GALNT17: variants seen among roughly 807,000 people sequenced by gnomAD.
The protein encoded by GALNT17 is polypeptide N-acetylgalactosaminyltransferase 17.
A neutral mutation model predicts 63.7 loss-of-function variants in GALNT17; 29 were observed. That is an observed-to-expected ratio of 0.46 (90% CI 0.34 to 0.62). The LOEUF (loss-of-function observed/expected upper bound fraction) is 0.62. Among genes scored for constraint, GALNT17 ranks in the 20% least tolerant of loss-of-function variants. The pLI, the probability that GALNT17 is intolerant of heterozygous loss-of-function variation, is 0.01. For synonymous variants in GALNT17, 305 were observed against 318.3 expected, an observed-to-expected ratio of 0.96 and a Z score of 0.45; for missense variants, 603 against 799.6, an observed-to-expected ratio of 0.75 and a Z score of 2.97.
At chr7:71,550,677 C>T (rs1406865932) in intron 5 of GALNT17, among the ~76,000 whole-genome samples, 1 of 152,132 alleles carries the variant, frequency 6.6e-6, no homozygotes, top group Non-Finnish European at 1.5e-5. Flanking sequence ...AGCCACCATG[C>T]CCAGCCTTCA....
At chr7:71,245,848 G>GTTTTTTTTTTTTTTTTTTTTTT (rs542136452) in intron 1 of GALNT17, among the ~76,000 whole-genome samples, 1,919 of 122,458 alleles carry the variant, frequency 0.016, 74 homozygotes, top group Non-Finnish European at 0.025. Context: ...AAGAGAGCAG[G>GTTTTTTTTTTTTTTTTTTTTTT]TTTTTTTTTT....
intron 1 of GALNT17, among the ~76,000 whole-genome samples, chr7:71,164,611 T>C (rs908333866): frequency 1.3e-5 from 2 of 152,194 alleles, no homozygotes; most frequent in African/African-American, 4.8e-5. Flanking sequence ...ACTTGCAACA[T>C]GTGGTTCTGT....
intron 9 of GALNT17, among the ~76,000 whole-genome samples, chr7:71,680,961 G>A (rs201437781): frequency 2.6e-5 from 4 of 151,254 alleles, no homozygotes; most frequent in Non-Finnish European, 4.4e-5. Flanking sequence ...GTGCAATGGT[G>A]TGATCACAGC....
At chr7:71,695,821 C>T (rs10254113) in intron 9 of GALNT17, among the ~76,000 whole-genome samples, 20,448 of 152,170 alleles carry the variant, frequency 0.13, 1,588 homozygotes, top group African/African-American at 0.2. Flanking sequence ...TCTTCTCAGG[C>T]CTGTATCCTC....
intron 1 of GALNT17, among the ~76,000 whole-genome samples, chr7:71,328,353 T>A (rs1791740079): frequency 6.6e-6 from 1 of 152,210 alleles, no homozygotes; most frequent in Non-Finnish European, 1.5e-5. Context: ...AGCCACCCCA[T>A]TCTCTTCCTG....
chr7:71,545,689 G>A (rs1254171441), intron 5 of GALNT17, among the ~76,000 whole-genome samples: 1 of 152,110 alleles, frequency 6.6e-6, no homozygotes, highest in Admixed American at 6.6e-5. Flanking sequence ...ATTTTATGGT[G>A]TCTGTCTAAT....
At chr7:71,460,844 C>T (rs902148739) in intron 5 of GALNT17, among the ~76,000 whole-genome samples, 10 of 152,140 alleles carry the variant, frequency 6.6e-5, no homozygotes, top group African/African-American at 2.2e-4. Flanking sequence ...GGGAGTGTAG[C>T]AGTGAGGATG....
At chr7:71,298,864 A>G (rs1468356326) in intron 1 of GALNT17, among the ~76,000 whole-genome samples, 1 of 152,136 alleles carries the variant, frequency 6.6e-6, no homozygotes, top group Non-Finnish European at 1.5e-5. Context: ...GATATAAAAT[A>G]TGATTTTAAA....
At chr7:71,196,453 C>T (rs1789051062) in intron 1 of GALNT17, among the ~76,000 whole-genome samples, 2 of 151,858 alleles carry the variant, frequency 1.3e-5, no homozygotes, top group African/African-American at 4.8e-5. Flanking sequence ...TCTTCTGCTT[C>T]TGTTTTGAAT....
intron 1 of GALNT17, among the ~76,000 whole-genome samples, chr7:71,269,601 C>CA (rs1171438230): frequency 6.6e-6 from 1 of 152,118 alleles, no homozygotes; most frequent in Non-Finnish European, 1.5e-5. Flanking sequence ...CATCTGTCTG[C>CA]AGAGGTCCTC....
At chr7:71,521,408 C>G (rs978183919) in intron 5 of GALNT17, among the ~76,000 whole-genome samples, 1 of 152,148 alleles carries the variant, frequency 6.6e-6, no homozygotes, top group African/African-American at 2.4e-5. Flanking sequence ...CTTCATCTAC[C>G]ATTCGTGTCC....
intron 5 of GALNT17, among the ~76,000 whole-genome samples, chr7:71,485,871 T>C (rs1313357638): frequency 6.6e-6 from 1 of 152,224 alleles, no homozygotes; most frequent in Non-Finnish European, 1.5e-5. Flanking sequence ...TATAGTCAGA[T>C]ACAAGGAGGC....
chr7:71,380,903 G>A (rs999665565), intron 2 of GALNT17, among the ~76,000 whole-genome samples: 1 of 151,668 alleles, frequency 6.6e-6, no homozygotes, highest in African/African-American at 2.4e-5. Context: ...ATAAGGGGTA[G>A]ATTGCTGGGC....
chr7:71,577,801 T>G (rs899189729), intron 6 of GALNT17, among the ~76,000 whole-genome samples: 7 of 152,124 alleles, frequency 4.6e-5, no homozygotes, highest in Non-Finnish European at 1.5e-5. Flanking sequence ...TCCATTTCTC[T>G]GAGGAGTTGG....
intron 6 of GALNT17, among the ~76,000 whole-genome samples, chr7:71,656,603 A>C (rs1790831726): frequency 6.6e-6 from 1 of 152,098 alleles, no homozygotes. Flanking sequence ...TGGATTCGGA[A>C]GTGGTGGCTG....
chr7:71,404,191 C>G (rs1793288081), intron 3 of GALNT17, among the ~76,000 whole-genome samples: 1 of 152,150 alleles, frequency 6.6e-6, no homozygotes, highest in African/African-American at 2.4e-5. Context: ...ATGGAAGAAG[C>G]AGTAGAGATG....
In GALNT17 at chr7:71,664,440, T is replaced by G. The variant is rs369193726; in HGVS notation, c.1081-971T>G. On this transcript the variant is annotated intron_variant, in intron 6 of 10. Coordinates refer to ENST00000333538, the MANE Select transcript of GALNT17 (RefSeq NM_022479.3). ...GCCTGGGCAACATAGCGAGACCTCA[T>G]CTCTACAAAAAAATTTAAAAATTAA... Among the ~76,000 whole-genome samples, 5 of 152,026 alleles carry G rather than the reference T, an allele frequency of 3.3e-5. No homozygotes were observed. The East Asian group carries it at 5.8e-4, about 18-fold the overall frequency.
intron 3 of GALNT17, among the ~76,000 whole-genome samples, chr7:71,395,740 A>G (rs1341197491): frequency 6.6e-6 from 1 of 152,206 alleles, no homozygotes; most frequent in Non-Finnish European, 1.5e-5. Context: ...TGAGGGTTCC[A>G]GTTTCTCCAC....
chr7:71,671,505 A>C (rs985346788), intron 8 of GALNT17, among the ~76,000 whole-genome samples: 5 of 152,174 alleles, frequency 3.3e-5, no homozygotes, highest in Admixed American at 6.5e-5. Flanking sequence ...CTGAGCTGGA[A>C]TTTGGAATGG....
Sources: gnomAD v4.1 joint callset for allele counts (sites outside exome capture counted in the v4.1 genomes callset) on GRCh38, gnomAD v4.1.1 for gene constraint, MANE v1.5 for transcripts, NCBI Gene and HGNC (gene_info 2026-07-23, HGNC 2026-07-21) for gene names.